ZUP1: variants seen among roughly 807,000 people sequenced by gnomAD.
ZUP1 encodes zinc finger containing ubiquitin peptidase 1.
A neutral mutation model predicts 68.1 loss-of-function variants in ZUP1; 55 were observed. The ratio of observed to expected loss-of-function variants is 0.81; its 90% CI spans 0.65 to 1.01. The LOEUF is 1.01. ZUP1 is among the 50% of genes least tolerant of loss of function. ZUP1 has a pLI of 0.00. For synonymous variants in ZUP1, 223 were observed against 221.5 expected (o/e 1.01, Z -0.06); for missense variants, 684 against 674.9 (o/e 1.01, Z -0.15).
chr6:116,646,778 G>A (rs931048417), intron 8 of ZUP1, among the ~76,000 whole-genome samples: 3 of 152,146 alleles, frequency 2.0e-5, no homozygotes, highest in Admixed American at 6.5e-5. Context: ...GTCTCACTAT[G>A]TCACTCAGGC....
chr6:116,666,952 G>A lies in ZUP1; in HGVS notation c.241C>T (p.Leu81=), dbSNP rs761262518. Residue 81 remains leucine, a synonymous_variant, in exon 2 of 10, where the codon CTA becomes TTA. Transcript: ENST00000368576. ...GTSDNKKDNT[L]QCGMEVNSSI... Reference sequence around the variant, plus strand: ...GAATTAACTTCCATTCCACACTGTAGGGTGTTGTCTTTCTTGTTATCTGAA... The same window carrying A: ...GAATTAACTTCCATTCCACACTGTAAGGTGTTGTCTTTCTTGTTATCTGAA... 1 of 1,613,708 alleles carries A rather than the reference G, an allele frequency of 6.2e-7. No homozygotes were observed. Among genetic ancestry groups the A allele is most frequent in the Admixed American group, 1.7e-5 (1 of 60,006 alleles).
intron 9 of ZUP1, among the ~76,000 whole-genome samples, chr6:116,640,479 C>T (rs1306596950): frequency 6.6e-6 from 1 of 151,992 alleles, no homozygotes; most frequent in African/African-American, 2.4e-5. Context: ...ATCAGACTAA[C>T]AGCGGATCTC....
In ZUP1 at chr6:116,647,595, A is replaced by G. The variant is rs113332285; in HGVS notation, c.1332T>C (p.Asp444=). The G allele has an allele frequency of 6.3e-4, 990 of 1,570,088 alleles. 8 individuals carry two copies. In the African/African-American group the frequency reaches 0.012, roughly 19 times the overall value. The part of the protein sequence containing the change: ...TSLRVKCHIV[D]FHKSTGPLGT... ...CCAAAGGACCAGTTGATTTGTGAAA[A>G]TCAACAATATGACACCTATTAAAAA... Residue 444 remains aspartate (D), a synonymous_variant, in exon 8 of 10, where the codon GAT becomes GAC. Coordinates refer to ENST00000368576, the MANE Select transcript of ZUP1 (RefSeq NM_145062.3).
chr6:116,649,228 G>C (rs1776405942), intron 7 of ZUP1, among the ~76,000 whole-genome samples: 1 of 151,968 alleles, frequency 6.6e-6, no homozygotes, highest in Non-Finnish European at 1.5e-5. Flanking sequence ...GTGGTAAAAA[G>C]AATGTGATAC....
At position 116,656,689 on chromosome 6, in the gene ZUP1, GT is replaced by G. The variant is rs1035836352; in HGVS notation, c.955del (p.Thr319LeufsTer19). The G allele has an allele frequency of 1.2e-5, 19 of 1,609,090 alleles. No homozygotes were observed. The highest frequency in any genetic ancestry group is 5.1e-5 in the Admixed American group (3 of 59,026). ...TCTGATGTTTAAATACTCACCGGAA[GT>G]TTTTGTTTTTCCATCGTCAAAACCA... ...ALGFDDGKTK[T>X]SGIIEALHRY... On this transcript the variant is annotated frameshift_variant, in exon 5 of 10. Coordinates refer to ENST00000368576, the MANE Select transcript of ZUP1 (RefSeq NM_145062.3). LOFTEE classifies it high-confidence loss of function.
intron 5 of ZUP1, among the ~76,000 whole-genome samples, chr6:116,653,227 AC>A (rs1196410710): frequency 6.6e-6 from 1 of 151,908 alleles, no homozygotes; most frequent in East Asian, 1.9e-4. Flanking sequence ...GTCTTCATAG[AC>A]CCTTTTTCTG....
chr6:116,640,951 G>A (rs554423353), intron 9 of ZUP1, among the ~76,000 whole-genome samples: 4,231 of 147,158 alleles, frequency 0.029, 159 homozygotes, highest in African/African-American at 0.095. Flanking sequence ...CCCATCTCAC[G>A]TGCAGAGACA....
At chr6:116,641,515 AG>A (rs1175357587) in intron 9 of ZUP1, among the ~76,000 whole-genome samples, 2 of 152,138 alleles carry the variant, frequency 1.3e-5, no homozygotes, top group East Asian at 3.8e-4. Context: ...CAAGCAAACT[AG>A]AACTCAGGAT....
intron 9 of ZUP1, among the ~76,000 whole-genome samples, chr6:116,640,611 T>C (rs1583359742): frequency 6.6e-6 from 1 of 151,930 alleles, no homozygotes; most frequent in East Asian, 1.9e-4. Flanking sequence ...GAAGGAGAAA[T>C]AAAATACTTT....
At chr6:116,644,065 G>A (rs1206859723) in intron 9 of ZUP1, among the ~76,000 whole-genome samples, 1 of 152,226 alleles carries the variant, frequency 6.6e-6, no homozygotes, top group Non-Finnish European at 1.5e-5. Flanking sequence ...AGACATTTAT[G>A]CAGCCAAAAG....
At chr6:116,664,879 GAC>G (rs144584776) in intron 2 of ZUP1, among the ~76,000 whole-genome samples, 40,453 of 146,904 alleles carry the variant, frequency 0.28, 5,490 homozygotes, top group South Asian at 0.36. Context: ...CACAAGTACA[GAC>G]ACACACACAC....
chr6:116,642,708 T>C (rs1253348883), intron 9 of ZUP1, among the ~76,000 whole-genome samples: 1 of 152,144 alleles, frequency 6.6e-6, no homozygotes, highest in African/African-American at 2.4e-5. Flanking sequence ...GAGCTATCTA[T>C]GACAAACCCA....
chr6:116,655,531 T>C (rs1205021426), intron 5 of ZUP1, among the ~76,000 whole-genome samples: 1 of 152,102 alleles, frequency 6.6e-6, no homozygotes, highest in African/African-American at 2.4e-5. Flanking sequence ...TTTAAAAACT[T>C]TTAAGTAAAT....
At chr6:116,642,302 T>A (rs1269733360) in intron 9 of ZUP1, among the ~76,000 whole-genome samples, 1 of 152,030 alleles carries the variant, frequency 6.6e-6, no homozygotes, top group Non-Finnish European at 1.5e-5. Flanking sequence ...TTCCGATCAA[T>A]AGAAAAAGAG....
At chr6:116,663,089 A>C (rs1388516332) in intron 2 of ZUP1, among the ~76,000 whole-genome samples, 1 of 152,092 alleles carries the variant, frequency 6.6e-6, no homozygotes, top group Non-Finnish European at 1.5e-5. Context: ...TTATACCCTT[A>C]ATTTATCACT....
At chr6:116,645,600 AAG>A in intron 9 of ZUP1, 112 bp downstream of exon 9, 6 of 812,828 alleles carry the variant, frequency 7.4e-6, no homozygotes, top group East Asian at 2.8e-5. Context: ...AAAAAAAAAA[AAG>A]AAAAAGAATA....
intron 9 of ZUP1, among the ~76,000 whole-genome samples, chr6:116,643,367 C>T (rs971282945): frequency 5.9e-5 from 9 of 152,038 alleles, no homozygotes; most frequent in African/African-American, 1.7e-4. Context: ...CAAAAAAGAG[C>T]CCGCATCGCC....
At chr6:116,664,271 A>C (rs1183201743) in intron 2 of ZUP1, among the ~76,000 whole-genome samples, 1 of 143,800 alleles carries the variant, frequency 7.0e-6, no homozygotes, top group Non-Finnish European at 1.5e-5. Flanking sequence ...TCTCTACTAA[A>C]AGTACAAAAA....
Position 116,645,905 on chromosome 6 carries a change from C to G in ZUP1, c.1498G>C (p.Glu500Gln), listed in dbSNP as rs772146000. 1.2e-5 allele frequency: 20 copies of G among 1,613,088 alleles called. No individual in the cohort carries two copies. Among genetic ancestry groups the G allele is most frequent in the Non-Finnish European group, 1.4e-5 (17 of 1,179,748 alleles). Residue 500 changes from glutamate (E) to glutamine (Q), a missense_variant, in exon 9 of 10, where the codon GAG (glutamate) becomes CAG (glutamine). Physicochemically the swap from Glu to Gln is conservative, Grantham distance 29. Coordinates refer to ENST00000368576, the MANE Select transcript of ZUP1 (RefSeq NM_145062.3). The part of the protein sequence containing the change: ...GHSRTVIGIE[E>Q]KKNRTLCLLI... ...AAGCATAATGTTCGGTTTTTTTTCT[C>G]TTCAATTCCAATAACAGTTCGACTG...
Sources: gnomAD v4.1 joint callset for allele counts (sites outside exome capture counted in the v4.1 genomes callset) on GRCh38, gnomAD v4.1.1 for gene constraint, MANE v1.5 for transcripts, NCBI Gene and HGNC (gene_info 2026-07-23, HGNC 2026-07-21) for gene names.